Variants in STON2 observed in about 807,000 individuals in gnomAD.
STON2 encodes the protein stonin 2.
Under a neutral mutation model 65.7 loss-of-function variants are expected in STON2, and 29 were observed. The ratio of observed to expected loss-of-function variants is 0.44; its 90% CI spans 0.33 to 0.60. The LOEUF (loss-of-function observed/expected upper bound fraction) is 0.60, where lower values mean the gene tolerates loss of function less well. Among genes scored for constraint, STON2 ranks in the 20% least tolerant of loss-of-function variants. STON2 has a pLI of 0.03. For missense variants in STON2, 1,054 were observed against 1,118.1 expected, an observed-to-expected ratio of 0.94 and a Z score of 0.82; for synonymous variants, 404 against 414.2, an observed-to-expected ratio of 0.98 and a Z score of 0.30.
chr14:81,374,559 G>A (rs1036665030), intron 3 of STON2, among the ~76,000 whole-genome samples: 28 of 151,854 alleles, frequency 1.8e-4, no homozygotes, highest in African/African-American at 6.8e-4. Flanking sequence ...AAATACAACT[G>A]TTTAATCTGT....
intron 4 of STON2, among the ~76,000 whole-genome samples, chr14:81,330,074 C>CTAGT (rs1897154717): frequency 6.6e-6 from 1 of 152,230 alleles, no homozygotes; most frequent in South Asian, 2.1e-4. Context: ...ACCTCTCTAT[C>CTAGT]CTGTTGTATC....
intron 5 of STON2, among the ~76,000 whole-genome samples, chr14:81,317,441 G>T (rs1595344291): frequency 6.6e-6 from 1 of 152,180 alleles, no homozygotes; most frequent in South Asian, 2.1e-4. Flanking sequence ...TAAATTAGTG[G>T]CCTAAAATAA....
intron 5 of STON2, among the ~76,000 whole-genome samples, chr14:81,287,788 AC>A (rs1355866799): frequency 4.6e-5 from 7 of 151,900 alleles, no homozygotes; most frequent in Non-Finnish European, 8.8e-5. Context: ...CCAATACTCT[AC>A]CTTTGGATCC....
chr14:81,308,669 G>T (rs1405890743), intron 5 of STON2, among the ~76,000 whole-genome samples: 1 of 151,362 alleles, frequency 6.6e-6, no homozygotes, highest in Non-Finnish European at 1.5e-5. Context: ...GGGCAGGGGA[G>T]GGAGCAAAGA....
intron 1 of STON2, among the ~76,000 whole-genome samples, chr14:81,428,618 G>A (rs1165715511): frequency 6.6e-6 from 1 of 152,108 alleles, no homozygotes; most frequent in Non-Finnish European, 1.5e-5. Context: ...AGCTACTGGG[G>A]AAGGAGAGAC....
At chr14:81,335,683 T>C (rs1375095087) in intron 4 of STON2, among the ~76,000 whole-genome samples, 1 of 152,206 alleles carries the variant, frequency 6.6e-6, no homozygotes, top group Non-Finnish European at 1.5e-5. Context: ...TCCATAAGTT[T>C]CATAAATAAT....
Position 81,263,200 on chromosome 14 carries a change from GT to G in STON2, c.*5213del. On this transcript the variant is annotated 3_prime_UTR_variant, in exon 8 of 8. Coordinates refer to ENST00000614646, the MANE Select transcript of STON2 (RefSeq NM_001394390.1). ...CTTGTCCAACCCTTGGCCCATGATG[GT>G]TTTGAATGTGGCCCAAGACAAATTC... 6 of 977,116 alleles carry G rather than the reference GT, an allele frequency of 6.1e-6. No individual in the cohort carries two copies. The highest frequency in any genetic ancestry group is 7.3e-6 in the Non-Finnish European group (6 of 822,414). The allele number at this position is 977,116 out of a possible 1,614,324, so 60.5% of individuals were successfully genotyped here.
intron 5 of STON2, among the ~76,000 whole-genome samples, chr14:81,293,048 C>CAA (rs1265308490): frequency 6.6e-6 from 1 of 152,158 alleles, no homozygotes; most frequent in Non-Finnish European, 1.5e-5. Flanking sequence ...GCATGTAATT[C>CAA]AAGCACAGTG....
rs77154123 is a variant in STON2 at position 81,278,867 on chromosome 14, T to C, written c.743-128A>G. ...CAGTACATTCCAAAGCAGCTCATTATCTGTTTCAAGTGCTTAGTCTGGGCA... is the reference window on the plus strand; with the variant it reads ...CAGTACATTCCAAAGCAGCTCATTACCTGTTTCAAGTGCTTAGTCTGGGCA... On this transcript the variant is annotated intron_variant, in intron 5 of 7. Coordinates refer to ENST00000614646, the MANE Select transcript of STON2 (RefSeq NM_001394390.1). 3.0e-3 allele frequency: 2,169 copies of C among 716,504 alleles called. 38 individuals carry two copies. In the African/African-American group the frequency reaches 0.035, roughly 12 times the overall value. The allele number at this position is 716,504 out of a possible 1,614,324, so 44.4% of individuals were successfully genotyped here.
At chr14:81,345,070 C>T (rs1288557669) in intron 4 of STON2, among the ~76,000 whole-genome samples, 1 of 152,180 alleles carries the variant, frequency 6.6e-6, no homozygotes, top group Non-Finnish European at 1.5e-5. Context: ...GGATCCAAAA[C>T]CCAGCTCCTA....
chr14:81,321,084 C>T (rs909352982), intron 5 of STON2, among the ~76,000 whole-genome samples: 1 of 152,206 alleles, frequency 6.6e-6, no homozygotes, highest in Non-Finnish European at 1.5e-5. Context: ...CCTGAATCCA[C>T]AACTATTTTC....
chr14:81,418,579 C>T (rs190028807), intron 2 of STON2, among the ~76,000 whole-genome samples: 5 of 152,314 alleles, frequency 3.3e-5, no homozygotes, highest in African/African-American at 1.2e-4. Flanking sequence ...AAGTTACCAG[C>T]ATACACATTG....
Position 81,263,988 on chromosome 14 carries a change from G to C in STON2, c.*4426C>G. ...GTGACAAAATAAATGCAAAGTAACG[G>C]TCAGCGGTTAGTGCTGGAAGAACAA... On this transcript the variant is annotated 3_prime_UTR_variant, in exon 8 of 8. Coordinates refer to ENST00000614646, the MANE Select transcript of STON2 (RefSeq NM_001394390.1). 1.0e-6 allele frequency: 1 copy of C among 985,372 alleles called. No homozygotes were observed. Among genetic ancestry groups the C allele is most frequent in the Non-Finnish European group, 1.2e-6 (1 of 829,924 alleles). 61.0% of individuals were successfully genotyped at this position (985,372 alleles called of 1,614,324 possible).
chr14:81,315,002 G>T (rs1186810120), intron 5 of STON2, among the ~76,000 whole-genome samples: 4 of 152,108 alleles, frequency 2.6e-5, no homozygotes, highest in Non-Finnish European at 5.9e-5. Flanking sequence ...GAGCCACCAT[G>T]CCTGGCCTAA....
intron 4 of STON2, among the ~76,000 whole-genome samples, chr14:81,349,333 T>C (rs1387926578): frequency 6.6e-6 from 1 of 152,144 alleles, no homozygotes; most frequent in African/African-American, 2.4e-5. Context: ...ATTTTCAAAC[T>C]ATTCATCTGA....
Position 81,395,901 on chromosome 14 carries a change from A to G in STON2, c.366T>C (p.Ala122=). ...CCCTTCCTACCTCCTCACCTGTCTC[A>G]GCTGTTTCCTGATGAGGTGGAGATG... ...ASTSPPHQET[A]ETALPLTMPC... The change falls in exon 3 of 8, where the codon GCT becomes GCC. Residue 122 remains alanine (A), a synonymous_variant. Coordinates refer to ENST00000614646, the MANE Select transcript of STON2 (RefSeq NM_001394390.1). 4 of 1,614,036 alleles carry G rather than the reference A, an allele frequency of 2.5e-6. No individual in the cohort carries two copies. The highest frequency in any genetic ancestry group is 3.4e-6 in the Non-Finnish European group (4 of 1,179,964).
chr14:81,367,311 T>A (rs942000894), intron 4 of STON2, among the ~76,000 whole-genome samples: 4 of 152,138 alleles, frequency 2.6e-5, no homozygotes, highest in African/African-American at 9.7e-5. Context: ...CTCAAGTAGC[T>A]GGAATTACAG....
intron 6 of STON2, among the ~76,000 whole-genome samples, chr14:81,274,030 C>T (rs2140108916): frequency 6.6e-6 from 1 of 152,268 alleles, no homozygotes; most frequent in South Asian, 2.1e-4. Context: ...TCTCTGGGTT[C>T]CCGGATGGAA....
chr14:81,421,158 G>A (rs1013290605), intron 2 of STON2, among the ~76,000 whole-genome samples: 6 of 152,224 alleles, frequency 3.9e-5, no homozygotes, highest in African/African-American at 1.4e-4. Flanking sequence ...GGAATGTGAA[G>A]AGCAATAGTT....
Sources: allele counts gnomAD v4.1 joint callset (sites outside exome capture counted in the v4.1 genomes callset), GRCh38; gene constraint gnomAD v4.1.1; transcripts MANE v1.5; gene names NCBI Gene and HGNC (gene_info 2026-07-23, HGNC 2026-07-21).